The following JARID2 variants were observed in gnomAD, a reference collection of about 807,000 sequenced individuals.
The protein encoded by JARID2 is jumonji and AT-rich interaction domain containing 2, also known as protein Jumonji.
A neutral mutation model predicts 125.6 loss-of-function variants in JARID2; 21 were observed. The ratio of observed to expected loss-of-function variants is 0.17; its 90% CI spans 0.12 to 0.24. The LOEUF is 0.24. JARID2 is among the 10% of genes least tolerant of loss of function. The probability of loss-of-function intolerance (pLI) is 1.00; values close to 1 mark genes in which losing one functional copy is unlikely to be tolerated. For synonymous variants in JARID2, 736 were observed against 661.6 expected (o/e 1.11, Z -1.73); for missense variants, 1,303 against 1,639.6 (o/e 0.79, Z 3.55).
intron 5 of JARID2, among the ~76,000 whole-genome samples, chr6:15,480,469 C>G (rs2049952): frequency 0.78 from 118,798 of 152,030 alleles, 46,461 homozygotes; most frequent in Admixed American, 0.82. Flanking sequence ...TCAGGATTCC[C>G]TCTTGTGTTT....
intron 2 of JARID2, among the ~76,000 whole-genome samples, chr6:15,386,513 CAG>C (rs1347148043): frequency 6.6e-6 from 1 of 152,154 alleles, no homozygotes; most frequent in Non-Finnish European, 1.5e-5. Context: ...TGTTTAGAGA[CAG>C]AGTCTTGGTC....
In JARID2 at chr6:15,501,160, C is replaced by T. The variant is rs778417425; in HGVS notation, c.2199C>T (p.Arg733=). The part of the protein sequence containing the change: ...VLMEKEILEK[R]KGPLEGHTEN... ...TGGAGAAGGAGATCCTGGAGAAGCG[C>T]AAGGGGCCGCTGGAAGGCCACACAG... Residue 733 remains arginine (R), a synonymous_variant, in exon 8 of 18, where the codon CGC becomes CGT. Coordinates refer to ENST00000341776, the MANE Select transcript of JARID2 (RefSeq NM_004973.4). The T allele has an allele frequency of 3.1e-5, 50 of 1,613,964 alleles. No individual in the cohort carries two copies. The Admixed American group carries it at 8.2e-4, about 26-fold the overall frequency.
chr6:15,283,087 T>C (rs1034042832), intron 1 of JARID2, among the ~76,000 whole-genome samples: 1 of 151,956 alleles, frequency 6.6e-6, no homozygotes, highest in South Asian at 2.1e-4. Context: ...CTTGCCATTC[T>C]CCTGCCTCAG....
At chr6:15,363,284 T>C (rs1047298454) in intron 1 of JARID2, among the ~76,000 whole-genome samples, 1 of 152,214 alleles carries the variant, frequency 6.6e-6, no homozygotes, top group Non-Finnish European at 1.5e-5. Context: ...TTCTCACGTG[T>C]AATCCCTGAA....
intron 1 of JARID2, among the ~76,000 whole-genome samples, chr6:15,332,032 G>A (rs1244293453): frequency 6.6e-6 from 1 of 152,124 alleles, no homozygotes; most frequent in Non-Finnish European, 1.5e-5. Flanking sequence ...CATGCTTGAT[G>A]CAGGAACTGA....
intron 5 of JARID2, among the ~76,000 whole-genome samples, chr6:15,480,649 ATTC>A (rs1472189122): frequency 3.9e-5 from 6 of 152,232 alleles, no homozygotes; most frequent in African/African-American, 1.2e-4. Flanking sequence ...CGAAAAGATC[ATTC>A]TTCTTATATT....
chr6:15,502,226 T>C (rs1422621273), intron 8 of JARID2, among the ~76,000 whole-genome samples: 1 of 152,204 alleles, frequency 6.6e-6, no homozygotes, highest in Non-Finnish European at 1.5e-5. Context: ...GTGGCTCTCC[T>C]CTTGGCAGCT....
intron 1 of JARID2, among the ~76,000 whole-genome samples, chr6:15,251,977 C>G (rs965701297): frequency 6.6e-6 from 1 of 151,736 alleles, no homozygotes; most frequent in African/African-American, 2.4e-5. Flanking sequence ...ACCTGGGAGG[C>G]GGAGGTTGCA....
intron 1 of JARID2, among the ~76,000 whole-genome samples, chr6:15,325,896 T>C (rs910779107): frequency 4.6e-5 from 7 of 152,206 alleles, no homozygotes; most frequent in Non-Finnish European, 8.8e-5. Context: ...AAGCCAGATA[T>C]TAAAGACTTT....
chr6:15,512,120 G>C, intron 13 of JARID2, 88 bp from the exon 14 acceptor site: 1 of 1,060,004 alleles, frequency 9.4e-7, no homozygotes, highest in Non-Finnish European at 1.4e-6. Context: ...TTGAGAGCAG[G>C]CCTCTTAGGG....
chr6:15,447,773 C>A (rs1267537301), intron 3 of JARID2, among the ~76,000 whole-genome samples: 1 of 152,236 alleles, frequency 6.6e-6, no homozygotes, highest in East Asian at 1.9e-4. Flanking sequence ...GCCCCACAGG[C>A]TGGGTGCAGC....
At chr6:15,247,742 G>A in intron 1 of JARID2, 1 of 985,334 alleles carries the variant, frequency 1.0e-6, no homozygotes, top group Middle Eastern at 5.2e-4. Context: ...CAAGAGAGCT[G>A]ATCCTTATCT....
intron 2 of JARID2, among the ~76,000 whole-genome samples, chr6:15,401,942 CCT>C (rs1765456109): frequency 7.0e-6 from 1 of 142,106 alleles, no homozygotes; most frequent in Non-Finnish European, 1.5e-5. Flanking sequence ...ACTACTTAAT[CCT>C]CTCTGAATAT....
At chr6:15,264,355 G>A (rs1426919283) in intron 1 of JARID2, among the ~76,000 whole-genome samples, 1 of 152,132 alleles carries the variant, frequency 6.6e-6, no homozygotes, top group Non-Finnish European at 1.5e-5. Flanking sequence ...GTATTAATCA[G>A]TATTTGGAAT....
At chr6:15,282,816 G>C (rs1227199518) in intron 1 of JARID2, among the ~76,000 whole-genome samples, 1 of 152,066 alleles carries the variant, frequency 6.6e-6, no homozygotes, top group Non-Finnish European at 1.5e-5. Context: ...GGTCAGGCTG[G>C]TTTTGAACTC....
At chr6:15,520,044 G>A in intron 17 of JARID2, 25 bp from the exon 18 acceptor site, 2 of 1,599,928 alleles carry the variant, frequency 1.3e-6, no homozygotes, top group Non-Finnish European at 1.7e-6. Flanking sequence ...TATGTTAACT[G>A]TGTCTTCCTT....
intron 1 of JARID2, among the ~76,000 whole-genome samples, chr6:15,344,034 G>T (rs544935661): frequency 2.0e-5 from 3 of 151,454 alleles, no homozygotes; most frequent in Admixed American, 6.6e-5. Context: ...CAGACAGGGC[G>T]TTGAATGCAA....
chr6:15,499,035 G>T (rs1219524493), intron 7 of JARID2, among the ~76,000 whole-genome samples: 8 of 152,102 alleles, frequency 5.3e-5, no homozygotes, highest in Admixed American at 5.2e-4. Flanking sequence ...CTTTACCCTC[G>T]ACTCCCTTAC....
At chr6:15,451,435 C>A in intron 3 of JARID2, among the ~76,000 whole-genome samples, 1 of 152,234 alleles carries the variant, frequency 6.6e-6, no homozygotes, top group African/African-American at 2.4e-5. Context: ...TAGAGACATA[C>A]CTTTTTTTCT....
Sources: allele counts gnomAD v4.1 joint callset (sites outside exome capture counted in the v4.1 genomes callset), GRCh38; gene constraint gnomAD v4.1.1; transcripts MANE v1.5; gene names NCBI Gene and HGNC (gene_info 2026-07-23, HGNC 2026-07-21).